DTL: variants seen among roughly 807,000 people sequenced by gnomAD.
DTL encodes denticleless E3 ubiquitin protein ligase adapter.
DTL carries 46 observed loss-of-function variants against 87.0 expected under a neutral mutation model. The ratio of observed to expected loss-of-function variants is 0.53; its 90% CI spans 0.42 to 0.68. The LOEUF (loss-of-function observed/expected upper bound fraction) is 0.68. DTL is among the 30% of genes least tolerant of loss of function. The pLI, the probability that DTL is intolerant of heterozygous loss-of-function variation, is 0.00. For synonymous variants in DTL, 308 were observed against 311.2 expected, an observed-to-expected ratio of 0.99 and a Z score of 0.11; for missense variants, 737 against 869.4, an observed-to-expected ratio of 0.85 and a Z score of 1.91.
At chr1:212,036,645 T>C (rs1408314497) in intron 1 of DTL, among the ~76,000 whole-genome samples, 2 of 152,244 alleles carry the variant, frequency 1.3e-5, no homozygotes, top group Non-Finnish European at 2.9e-5. Context: ...GTTGAACGTA[T>C]TCCCATGTTA....
At position 212,066,836 on chromosome 1, in the gene DTL, G is replaced by T. The variant is rs1242549351; in HGVS notation, c.664G>T (p.Val222Phe). ...GGATTTCCAGCAAAGTGTTACTGTG[G>T]TCCTCTTTCAAGACGAGAATACCTT... is the stretch of plus-strand genomic sequence containing the variant. ...SVDFQQSVTV[V>F]LFQDENTLVS... The change falls in exon 8 of 15, where the codon GTC (valine) becomes TTC (phenylalanine). Residue 222 changes from valine (V) to phenylalanine (F), a missense_variant. By Grantham distance (50) the Val-to-Phe change is conservative (BLOSUM62 -1). Transcript: ENST00000366991. The T allele has an allele frequency of 1.9e-6, 3 of 1,613,898 alleles. No homozygotes were observed. The highest frequency in any genetic ancestry group is 1.1e-5 in the South Asian group (1 of 91,082).
At chr1:212,054,219 C>T (rs376527885) in intron 5 of DTL, among the ~76,000 whole-genome samples, 1 of 152,106 alleles carries the variant, frequency 6.6e-6, no homozygotes, top group East Asian at 1.9e-4. Context: ...AACACGGAAT[C>T]ATGGGTTCCC....
At chr1:212,056,941 A>G (rs1359820167) in intron 5 of DTL, among the ~76,000 whole-genome samples, 1 of 152,162 alleles carries the variant, frequency 6.6e-6, no homozygotes, top group African/African-American at 2.4e-5. Flanking sequence ...TAACCTACTC[A>G]GACAAAAATA....
intron 13 of DTL, among the ~76,000 whole-genome samples, chr1:212,090,244 A>G (rs1295426168): frequency 2.6e-5 from 4 of 152,336 alleles, no homozygotes; most frequent in Non-Finnish European, 5.9e-5. Context: ...GCAAAAGTCA[A>G]TTTGTAGAAT....
At chr1:212,094,726 T>A (rs1288824841) in intron 13 of DTL, among the ~76,000 whole-genome samples, 1 of 152,234 alleles carries the variant, frequency 6.6e-6, no homozygotes, top group African/African-American at 2.4e-5. Context: ...ATTCTACCCA[T>A]CCTTGAGCGT....
chr1:212,052,162 T>G (rs532457844), intron 5 of DTL, among the ~76,000 whole-genome samples: 1 of 152,334 alleles, frequency 6.6e-6, no homozygotes, highest in African/African-American at 2.4e-5. Flanking sequence ...CATTTCCCTG[T>G]ATATAATATG....
At chr1:212,064,406 T>A (rs1229241146) in intron 6 of DTL, among the ~76,000 whole-genome samples, 1 of 152,232 alleles carries the variant, frequency 6.6e-6, no homozygotes, top group African/African-American at 2.4e-5. Flanking sequence ...ATCAGTGTTA[T>A]ATATTCTTAG....
At chr1:212,069,160 T>C (rs1323876919) in intron 10 of DTL, among the ~76,000 whole-genome samples, 1 of 144,870 alleles carries the variant, frequency 6.9e-6, no homozygotes, top group Non-Finnish European at 1.5e-5. Flanking sequence ...CAGCCTCACC[T>C]TTTTTTTTTC....
chr1:212,101,332 T>C lies in DTL; in HGVS notation c.2094+248T>C, dbSNP rs543236813. 3.3e-5 allele frequency among the ~76,000 whole-genome samples: 5 copies of C among 152,358 alleles called. No individual in the cohort carries two copies. In the South Asian group the frequency reaches 1.0e-3, roughly 32 times the overall value. ...ATGTAACTGAATGTGCTGTATTTTA[T>C]CTGGCAACTCTACTTACTCCCATTA... On this transcript the variant is annotated intron_variant, in intron 14 of 14. Transcript: ENST00000366991.
At chr1:212,036,308 C>T (rs1052763498) in intron 1 of DTL, among the ~76,000 whole-genome samples, 1 of 152,176 alleles carries the variant, frequency 6.6e-6, no homozygotes, top group African/African-American at 2.4e-5. Context: ...TTGATTAATT[C>T]ATTCGTTTGT....
At chr1:212,099,682 C>T (rs1655556249) in intron 13 of DTL, 1 of 152,590 alleles carries the variant, frequency 6.6e-6, no homozygotes, top group South Asian at 2.1e-4. Context: ...GGAGCCCTCT[C>T]ACACTTTGGG....
chr1:212,043,629 A>T, intron 2 of DTL, among the ~76,000 whole-genome samples: 1 of 149,098 alleles, frequency 6.7e-6, no homozygotes. Flanking sequence ...CAGGAGTTCA[A>T]GGCAGCCTGG....
intron 1 of DTL, among the ~76,000 whole-genome samples, chr1:212,040,955 A>G (rs1667621008): frequency 6.6e-6 from 1 of 152,238 alleles, no homozygotes; most frequent in African/African-American, 2.4e-5. Flanking sequence ...ACAAAAAGCG[A>G]AACCACGGGT....
At chr1:212,085,108 A>G (rs1481708987) in intron 13 of DTL, among the ~76,000 whole-genome samples, 1 of 152,216 alleles carries the variant, frequency 6.6e-6, no homozygotes, top group Non-Finnish European at 1.5e-5. Context: ...AGACACAACC[A>G]TCTTTTTTCG....
At chr1:212,079,475 A>G (rs1330309930) in intron 12 of DTL, among the ~76,000 whole-genome samples, 1 of 152,168 alleles carries the variant, frequency 6.6e-6, no homozygotes, top group Non-Finnish European at 1.5e-5. Context: ...TCCCAAGCCT[A>G]GAATTAGGAA....
chr1:212,069,548 ATTTTTTTT>A (rs397863295), intron 10 of DTL, among the ~76,000 whole-genome samples: 3 of 144,566 alleles, frequency 2.1e-5, no homozygotes, highest in Admixed American at 1.4e-4. Context: ...ATAGATATAA[ATTTTTTTT>A]TTTTTTTGAG....
intron 13 of DTL, among the ~76,000 whole-genome samples, chr1:212,098,734 C>T (rs1655522454): frequency 6.6e-6 from 1 of 152,078 alleles, no homozygotes; most frequent in African/African-American, 2.4e-5. Context: ...CAGTCTCACT[C>T]CTGCAGTGCT....
rs1206918555 is a variant in DTL, at chr1:212,080,741, C to G, written c.1252C>G (p.Pro418Ala). 1 of 1,613,456 alleles carries G rather than the reference C, an allele frequency of 6.2e-7. No individual in the cohort carries two copies. The highest frequency in any genetic ancestry group is 1.7e-5 in the Admixed American group (1 of 59,980). ...CTCTCAGAAGAAAAAAGAGTCAAGACCTGGCCTAGGTAAGGATATCATATA... is the reference window on the plus strand; with the variant it reads ...CTCTCAGAAGAAAAAAGAGTCAAGAGCTGGCCTAGGTAAGGATATCATATA... ...WASQKKKESR[P>A]GLVTVTSSQS... Residue 418 changes from proline to alanine, a missense_variant, in exon 13 of 15, where the codon CCT becomes GCT. Coordinates refer to ENST00000366991, the MANE Select transcript of DTL (RefSeq NM_016448.4).
chr1:212,100,334 A>G lies in DTL; in HGVS notation c.1344A>G (p.Ala448=), dbSNP rs201230717. The part of the protein sequence containing the change: ...CNPSNSSPSS[A]ACAPSCAGDL... ...CATCCAATTCTTCCCCGTCATCCGC[A>G]GCTTGTGCCCCAAGCTGTGCTGGAG... The change falls in exon 14 of 15, where the codon GCA becomes GCG. Residue 448 remains alanine (A), a synonymous_variant. Coordinates refer to ENST00000366991, the MANE Select transcript of DTL (RefSeq NM_016448.4). 1.2e-6 allele frequency: 2 copies of G among 1,613,564 alleles called. No homozygotes were observed. The highest frequency in any genetic ancestry group is 1.7e-6 in the Non-Finnish European group (2 of 1,179,908).
Sources: gnomAD v4.1 joint callset for allele counts (sites outside exome capture counted in the v4.1 genomes callset) on GRCh38, gnomAD v4.1.1 for gene constraint, MANE v1.5 for transcripts, NCBI Gene and HGNC (gene_info 2026-07-23, HGNC 2026-07-21) for gene names.